The following SLC5A1 variants were observed in gnomAD, a reference collection of about 807,000 sequenced individuals.
The protein encoded by SLC5A1 is sodium/glucose cotransporter 1.
A neutral mutation model predicts 73.5 loss-of-function variants in SLC5A1; 42 were observed. The observed-to-expected ratio is 0.57, with a 90% CI of 0.45 to 0.74. SLC5A1 has a LOEUF of 0.74. Ranked by LOEUF, SLC5A1 falls within the 30% of genes least tolerant of loss-of-function variation. The probability of loss-of-function intolerance (pLI) is 0.00; values close to 1 mark genes in which losing one functional copy is unlikely to be tolerated. For synonymous variants in SLC5A1, 300 were observed against 317.4 expected, an observed-to-expected ratio of 0.95 and a Z score of 0.58; for missense variants, 634 against 855.4, an observed-to-expected ratio of 0.74 and a Z score of 3.23.
At chr22:32,068,407 C>T (rs2093977618) in intron 4 of SLC5A1, 89 bp from the exon 5 acceptor site, 1 of 884,938 alleles carries the variant, frequency 1.1e-6, no homozygotes, top group Non-Finnish European at 1.9e-6. Flanking sequence ...ACTTCTGTGG[C>T]TCTGATATTA....
intron 2 of SLC5A1, among the ~76,000 whole-genome samples, chr22:32,060,617 T>C (rs1353350414): frequency 1.3e-5 from 2 of 152,160 alleles, no homozygotes; most frequent in East Asian, 1.9e-4. Flanking sequence ...GTCCCCCCAA[T>C]TGCAGTGCAG....
intron 9 of SLC5A1, among the ~76,000 whole-genome samples, chr22:32,085,934 G>A (rs1047377687): frequency 1.3e-5 from 2 of 152,142 alleles, no homozygotes; most frequent in African/African-American, 2.4e-5. Context: ...GAGGTCAGGA[G>A]ATCGAGACCA....
In SLC5A1 at chr22:32,043,519, G is replaced by A; in HGVS notation, c.135+103G>A. On this transcript the variant is annotated intron_variant, in intron 1 of 14. Transcript: ENST00000266088. This position sits in a 1 kb window ranked among gnomAD's most constrained non-coding sequence, Gnocchi z 6.5. ...GCAGTAGGCTTAAGTGTCGGTGGAG[G>A]GGAGAGGAAATGACTTGGAAGCACT... is the stretch of plus-strand genomic sequence containing the variant. 1.5e-6 allele frequency: 2 copies of A among 1,308,786 alleles called. No individual in the cohort carries two copies. Among genetic ancestry groups the A allele is most frequent in the Non-Finnish European group, 2.2e-6 (2 of 923,600 alleles). The allele number at this position is 1,308,786 out of a possible 1,614,324, so 81.1% of individuals were successfully genotyped here.
intron 5 of SLC5A1, among the ~76,000 whole-genome samples, chr22:32,079,719 C>T (rs1005697470): frequency 3.3e-5 from 5 of 152,162 alleles, no homozygotes; most frequent in African/African-American, 4.8e-5. Context: ...AATTTCACTG[C>T]AATCAGTGAA....
chr22:32,092,113 G>T (rs1404487948), intron 11 of SLC5A1, among the ~76,000 whole-genome samples: 1 of 151,730 alleles, frequency 6.6e-6, no homozygotes, highest in African/African-American at 2.4e-5. Flanking sequence ...CCCGTTTCCC[G>T]TGAGTCCCCA....
At chr22:32,055,511 G>A (rs543841387) in intron 2 of SLC5A1, among the ~76,000 whole-genome samples, 1 of 152,274 alleles carries the variant, frequency 6.6e-6, no homozygotes, top group South Asian at 2.1e-4. Context: ...ATGAAAACAT[G>A]ACACAGATGA....
chr22:32,074,025 ATG>A (rs368040654), intron 5 of SLC5A1, among the ~76,000 whole-genome samples: 150 of 152,234 alleles, frequency 9.9e-4, no homozygotes, highest in African/African-American at 3.3e-3. Flanking sequence ...AGAAAAGGGA[ATG>A]TGAGCAGGAG....
At chr22:32,101,993 A>G (rs1733175926) in intron 12 of SLC5A1, 29 bp from the exon 13 acceptor site, 2 of 1,546,534 alleles carry the variant, frequency 1.3e-6, no homozygotes, top group Non-Finnish European at 1.8e-6. Context: ...TGTGTTCAGC[A>G]TGAGTTAACC....
At chr22:32,071,766 G>T (rs1465562221) in intron 5 of SLC5A1, among the ~76,000 whole-genome samples, 1 of 152,142 alleles carries the variant, frequency 6.6e-6, no homozygotes, top group Non-Finnish European at 1.5e-5. Flanking sequence ...GGTGAGATGT[G>T]AGTTGGATTG....
intron 2 of SLC5A1, among the ~76,000 whole-genome samples, chr22:32,062,475 C>T (rs1408803193): frequency 6.6e-6 from 1 of 152,214 alleles, no homozygotes; most frequent in Non-Finnish European, 1.5e-5. Context: ...AGACTCAGTT[C>T]ATCTTGCACA....
intron 14 of SLC5A1, among the ~76,000 whole-genome samples, chr22:32,108,801 G>C (rs2149499524): frequency 6.6e-6 from 1 of 152,248 alleles, no homozygotes; most frequent in Non-Finnish European, 1.5e-5. Flanking sequence ...ATAAAGCCAG[G>C]TTTTGGTCCC....
At chr22:32,081,508 G>C (rs960613670) in intron 5 of SLC5A1, among the ~76,000 whole-genome samples, 2 of 152,180 alleles carry the variant, frequency 1.3e-5, no homozygotes, top group Non-Finnish European at 2.9e-5. Flanking sequence ...ATGGACAATA[G>C]CTCAGAGCAA....
chr22:32,085,215 G>A (rs2094006203), intron 9 of SLC5A1, among the ~76,000 whole-genome samples, 180 bp downstream of exon 9: 1 of 151,982 alleles, frequency 6.6e-6, no homozygotes, highest in Non-Finnish European at 1.5e-5. Flanking sequence ...TCTAACTCCT[G>A]GGCCCTAGTG....
chr22:32,043,877 C>A lies in SLC5A1; in HGVS notation c.135+461C>A, dbSNP rs2093933589. Among the ~76,000 whole-genome samples, 2 of 152,142 alleles carry A rather than the reference C, an allele frequency of 1.3e-5. No homozygotes were observed. Among genetic ancestry groups the A allele is most frequent in the Admixed American group, 1.3e-4 (2 of 15,272 alleles). ...TCTGCCAGCCCCAGAGATGGGGATG[C>A]TGAGGTGGCAGACAGAGGGATGCTG... On this transcript the variant is annotated intron_variant, in intron 1 of 14. Transcript: ENST00000266088. The surrounding 1 kb of genome is among the most constrained non-coding windows in gnomAD (Gnocchi z 6.5).
intron 5 of SLC5A1, among the ~76,000 whole-genome samples, chr22:32,074,228 A>C (rs1381890958): frequency 6.6e-6 from 1 of 152,148 alleles, no homozygotes; most frequent in Non-Finnish European, 1.5e-5. Flanking sequence ...CAGGGGTGGC[A>C]GGGGTGGTCA....
chr22:32,044,515 G>GTTT (rs530554198), intron 1 of SLC5A1, among the ~76,000 whole-genome samples: 1 of 138,642 alleles, frequency 7.2e-6, no homozygotes, highest in Non-Finnish European at 1.6e-5. Flanking sequence ...AAAAGGAAGT[G>GTTT]TTTTTTTTTT....
At chr22:32,055,422 C>T (rs2093950325) in intron 2 of SLC5A1, among the ~76,000 whole-genome samples, 2 of 152,220 alleles carry the variant, frequency 1.3e-5, no homozygotes, top group South Asian at 4.1e-4. Flanking sequence ...TTTCAAACTT[C>T]CTCTGTGGAA....
chr22:32,112,393 T>C lies in SLC5A1; in HGVS notation c.*2180T>C, dbSNP rs2094058859. 1 of 152,116 alleles carries C rather than the reference T, an allele frequency of 6.6e-6. No homozygotes were observed. The highest frequency in any genetic ancestry group is 2.4e-5 in the African/African-American group (1 of 41,416). 9.4% of individuals were successfully genotyped at this position (152,116 alleles called of 1,614,324 possible). A position where few individuals can be genotyped will look rare whatever the true frequency, so the allele number is the denominator to read the frequency against. The stretch of plus-strand genomic sequence containing the variant: ...TCTGAACCTCAGGTTCCTCCAAGCA[T>C]AATGCAGACTTCACAGAGCTGTTGT... On this transcript the variant is annotated 3_prime_UTR_variant, in exon 15 of 15. Transcript: ENST00000266088.
intron 12 of SLC5A1, among the ~76,000 whole-genome samples, chr22:32,100,162 G>A (rs1411646213): frequency 1.3e-5 from 2 of 152,184 alleles, no homozygotes; most frequent in Non-Finnish European, 2.9e-5. Flanking sequence ...CTGGCTCAAG[G>A]AGAGTTTGTG....
Sources: gnomAD v4.1 joint callset for allele counts (sites outside exome capture counted in the v4.1 genomes callset) on GRCh38, gnomAD v4.1.1 for gene constraint, Gnocchi (gnomAD v3.1) non-coding constraint, MANE v1.5 for transcripts, NCBI Gene and HGNC (gene_info 2026-07-23, HGNC 2026-07-21) for gene names.